Variants in KLHL32 observed in about 807,000 individuals in gnomAD.
The protein encoded by KLHL32 is kelch-like protein 32.
Under a neutral mutation model 64.8 loss-of-function variants are expected in KLHL32, and 35 were observed. The ratio of observed to expected loss-of-function variants is 0.54; its 90% CI spans 0.41 to 0.72. The LOEUF (loss-of-function observed/expected upper bound fraction) is 0.72. Among genes scored for constraint, KLHL32 ranks in the 30% least tolerant of loss-of-function variants. The pLI is 0.00. For synonymous variants in KLHL32, 259 were observed against 281.0 expected (o/e 0.92, Z 0.78); for missense variants, 589 against 768.5 (o/e 0.77, Z 2.76).
At chr6:96,899,800 G>A in the KLHL32 span, among the ~76,000 whole-genome samples, 41 of 152,184 alleles carry the variant, frequency 2.7e-4, no homozygotes, top group Admixed American at 2.7e-3. Flanking sequence ...AACTCCTGTT[G>A]GGCTTATGTT....
chr6:96,973,913 G>A (rs982170673), intron 2 of KLHL32, among the ~76,000 whole-genome samples: 4 of 151,712 alleles, frequency 2.6e-5, no homozygotes, highest in South Asian at 2.1e-4. Context: ...GTACAGATGG[G>A]GTTTCACCAT....
At chr6:97,064,958 C>G (rs1323493155) in intron 5 of KLHL32, among the ~76,000 whole-genome samples, 1 of 152,164 alleles carries the variant, frequency 6.6e-6, no homozygotes, top group African/African-American at 2.4e-5. Context: ...CACCTTAGGT[C>G]CCCACGACCA....
chr6:96,906,273 A>G, the KLHL32 span, among the ~76,000 whole-genome samples: 3 of 152,220 alleles, frequency 2.0e-5, no homozygotes, highest in Non-Finnish European at 4.4e-5. Context: ...TAAGCCTCTA[A>G]GTTTGTAGTG....
chr6:97,114,685 A>C lies in KLHL32; in HGVS notation c.1354+176A>C, dbSNP rs576477942. 645 of 692,898 alleles carry C rather than the reference A, an allele frequency of 9.3e-4. 15 individuals are homozygous for C. The South Asian group carries it at 0.011, about 12-fold the overall frequency. The allele number at this position is 692,898 out of a possible 1,614,324, so 42.9% of individuals were successfully genotyped here. Reference sequence around the variant, plus strand: ...ACTCTAGAGAGCAATGTAATTGGAAATAATATGCCTTTCTGTGACTTTCTG... The same window carrying C: ...ACTCTAGAGAGCAATGTAATTGGAACTAATATGCCTTTCTGTGACTTTCTG... On this transcript the variant is annotated intron_variant, in intron 7 of 10. Coordinates refer to ENST00000369261, the MANE Select transcript of KLHL32 (RefSeq NM_052904.4).
chr6:97,085,407 C>A, intron 6 of KLHL32, 66 bp downstream of exon 6: 2 of 1,382,616 alleles, frequency 1.4e-6, no homozygotes, highest in Non-Finnish European at 2.0e-6. Flanking sequence ...AGTTAAAGGA[C>A]TGAGGAACAA....
intron 1 of KLHL32, among the ~76,000 whole-genome samples, chr6:96,925,466 G>T (rs1188279160): frequency 6.6e-6 from 1 of 152,164 alleles, no homozygotes; most frequent in Non-Finnish European, 1.5e-5. Context: ...TATATGGTAT[G>T]CTTTAAAAAG....
chr6:97,133,184 G>C (rs2128223006), intron 10 of KLHL32, among the ~76,000 whole-genome samples: 1 of 152,274 alleles, frequency 6.6e-6, no homozygotes, highest in East Asian at 1.9e-4. Flanking sequence ...CACGGCAGAG[G>C]CTGTGAGCAG....
chr6:96,969,684 C>G (rs1774902684), intron 2 of KLHL32, among the ~76,000 whole-genome samples: 1 of 152,218 alleles, frequency 6.6e-6, no homozygotes, highest in Admixed American at 6.5e-5. Flanking sequence ...CCAAAACCTG[C>G]CTCTGTGCTT....
chr6:96,915,333 A>G, the KLHL32 span, among the ~76,000 whole-genome samples: 1 of 152,220 alleles, frequency 6.6e-6, no homozygotes, highest in Non-Finnish European at 1.5e-5. Context: ...GCACAAAAAA[A>G]GATAAGACCC....
rs966061608 is a variant in KLHL32, at chr6:97,113,902, C to A, written c.747C>A (p.Pro249=). The change falls in exon 7 of 11, where the codon CCC becomes CCA. Residue 249 remains proline (P), a synonymous_variant. Transcript: ENST00000369261. Reference sequence around the variant, plus strand: ...TCCATACAGTTGCCCTGTCCCACCCCCTTGTCCAAGCAAGTGAGACTGCAA... The same window carrying A: ...TCCATACAGTTGCCCTGTCCCACCCACTTGTCCAAGCAAGTGAGACTGCAA... ...DTLHTVALSH[P]LVQASETATA... The A allele has an allele frequency of 1.9e-6, 3 of 1,614,016 alleles. No individual in the cohort carries two copies. The Admixed American group carries it at 5.0e-5, about 27-fold the overall frequency.
At chr6:96,957,440 A>C (rs1773403030) in intron 1 of KLHL32, among the ~76,000 whole-genome samples, 1 of 152,212 alleles carries the variant, frequency 6.6e-6, no homozygotes, top group Non-Finnish European at 1.5e-5. Flanking sequence ...GTTATTTATC[A>C]TACAAATAAT....
intron 1 of KLHL32, among the ~76,000 whole-genome samples, chr6:96,962,801 G>A (rs1159336901): frequency 6.6e-6 from 1 of 152,200 alleles, no homozygotes; most frequent in Non-Finnish European, 1.5e-5. Flanking sequence ...TGAGTCTTGG[G>A]AAAGGTAAGA....
intron 3 of KLHL32, among the ~76,000 whole-genome samples, chr6:97,008,119 G>A (rs1582683920): frequency 6.6e-6 from 1 of 152,308 alleles, no homozygotes; most frequent in African/African-American, 2.4e-5. Flanking sequence ...GTAACAGGTT[G>A]TCTGGCATTT....
chr6:96,942,538 T>C (rs538444306), intron 1 of KLHL32, among the ~76,000 whole-genome samples: 2 of 152,316 alleles, frequency 1.3e-5, no homozygotes, highest in East Asian at 3.9e-4. Flanking sequence ...TGAAAGTATA[T>C]GAATGATAGA....
rs370406468 is a variant in KLHL32 at position 96,966,513 on chromosome 6, C to T, written c.-65-483C>T. Among the ~76,000 whole-genome samples the T allele has an allele frequency of 1.9e-4, 29 of 152,284 alleles. 1 individual carries two copies. Among genetic ancestry groups the T allele is most frequent in the African/African-American group, 6.5e-4 (27 of 41,564 alleles). The stretch of plus-strand genomic sequence containing the variant: ...CTCTCTATGTTATTTTTTCCACCTA[C>T]TTTTCAGAAATCTGCTCTTGAATGG... On this transcript the variant is annotated intron_variant, in intron 1 of 10. Transcript: ENST00000369261.
intron 1 of KLHL32, among the ~76,000 whole-genome samples, chr6:96,929,679 T>G (rs1417290073): frequency 6.6e-6 from 1 of 152,214 alleles, no homozygotes; most frequent in Non-Finnish European, 1.5e-5. Flanking sequence ...CATATTTCTT[T>G]TGTTCTTTCC....
chr6:97,101,271 G>A (rs1583028651), intron 6 of KLHL32, among the ~76,000 whole-genome samples: 1 of 152,204 alleles, frequency 6.6e-6, no homozygotes, highest in East Asian at 1.9e-4. Flanking sequence ...GATGATTCGT[G>A]TGCGTTTCTG....
chr6:97,091,977 C>CT (rs1206001664), intron 6 of KLHL32, among the ~76,000 whole-genome samples: 45 of 133,164 alleles, frequency 3.4e-4, no homozygotes, highest in Non-Finnish European at 5.7e-4. Context: ...AATTCTCTTT[C>CT]TTTCTTTTTT....
intron 5 of KLHL32, among the ~76,000 whole-genome samples, chr6:97,071,852 C>G (rs1036638194): frequency 6.6e-6 from 1 of 152,194 alleles, no homozygotes; most frequent in Admixed American, 6.5e-5. Flanking sequence ...CTCAGCTGCG[C>G]TCCCTGCCTG....
Sources: gnomAD v4.1 joint callset for allele counts (sites outside exome capture counted in the v4.1 genomes callset) on GRCh38, gnomAD v4.1.1 for gene constraint, MANE v1.5 for transcripts, NCBI Gene and HGNC (gene_info 2026-07-23, HGNC 2026-07-21) for gene names.